Variants in DPF1 observed in about 807,000 individuals in gnomAD.
DPF1 encodes double PHD fingers 1.
DPF1 carries 14 observed loss-of-function variants against 58.7 expected under a neutral mutation model. The ratio of observed to expected loss-of-function variants is 0.24; its 90% CI spans 0.16 to 0.37. DPF1 has a LOEUF of 0.37. DPF1 is among the 10% of genes least tolerant of loss of function. The pLI, the probability that DPF1 is intolerant of heterozygous loss-of-function variation, is 1.00. For synonymous variants in DPF1, 216 were observed against 216.0 expected (o/e 1.00, Z 0.00); for missense variants, 345 against 529.9 (o/e 0.65, Z 3.43).
At position 38,212,310 on chromosome 19, in the gene DPF1, G is replaced by A. The variant is rs11547760; in HGVS notation, c.1063C>T (p.Leu355=). Residue 355 remains leucine (L), a synonymous_variant, in exon 11 of 12, where the codon CTG becomes TTG. Coordinates refer to ENST00000355526, the MANE Select transcript of DPF1 (RefSeq NM_001135155.3). ...GGGGGCTCCGCCATGGGGGGACTCA[G>A]GCAGTACATGTGGTAACCCCGATCG... ...DCDRGYHMYC[L]SPPMAEPPEG... 130,385 of 1,519,512 alleles carry A rather than the reference G, an allele frequency of 0.086. 6,243 individuals are homozygous for A. The highest frequency in any genetic ancestry group is 0.19 in the Middle Eastern group (1,048 of 5,536). 94.1% of individuals were successfully genotyped at this position (1,519,512 alleles called of 1,614,324 possible).
rs1035145469 is a variant in DPF1 at position 38,222,955 on chromosome 19, A to G, written c.30-247T>C. 1.2e-5 allele frequency: 6 copies of G among 511,206 alleles called. No homozygotes were observed. The highest frequency in any genetic ancestry group is 8.2e-5 in the African/African-American group (4 of 49,000). The allele number at this position is 511,206 out of a possible 1,614,324, so 31.7% of individuals were successfully genotyped here. A position where few individuals can be genotyped will look rare whatever the true frequency, so the allele number is the denominator to read the frequency against. ...GTAGAAACACGATACAGAAACAAAC[A>G]AAAACACACCGGGACGTATCCCTAC... On this transcript the variant is annotated intron_variant, in intron 1 of 11. Coordinates refer to ENST00000355526, the MANE Select transcript of DPF1 (RefSeq NM_001135155.3). The surrounding 1 kb of genome is among the most constrained non-coding windows in gnomAD (Gnocchi z 4.9).
intron 3 of DPF1, 23 bp from the exon 4 acceptor site, chr19:38,219,081 G>T (rs765271171): frequency 6.2e-7 from 1 of 1,612,376 alleles, no homozygotes; most frequent in Non-Finnish European, 8.5e-7. Flanking sequence ...CCATGGGGGG[G>T]TCAGATGGGG....
At chr19:38,216,716 G>A (rs1216864029) in intron 7 of DPF1, among the ~76,000 whole-genome samples, 1 of 152,180 alleles carries the variant, frequency 6.6e-6, no homozygotes, top group Admixed American at 6.5e-5. Flanking sequence ...ATAAGCGTGA[G>A]CCACTGCACC....
At chr19:38,219,884 A>T (rs1036156486) in intron 3 of DPF1, 1 of 152,248 alleles carries the variant, frequency 6.6e-6, no homozygotes, top group African/African-American at 2.4e-5. Context: ...AGAAATGCTC[A>T]GAGACAATTA....
upstream of DPF1, among the ~76,000 whole-genome samples, chr19:38,227,280 G>A (rs1471539641): frequency 2.0e-5 from 3 of 151,948 alleles, no homozygotes; most frequent in African/African-American, 7.3e-5. Flanking sequence ...GTGTCCCTGT[G>A]TTGGCCAGGC....
rs1967539979 is a variant in DPF1, at chr19:38,222,236, G to GCAGA, written c.298+117_298+120dup. On this transcript the variant is annotated intron_variant, in intron 3 of 11. Coordinates refer to ENST00000355526, the MANE Select transcript of DPF1 (RefSeq NM_001135155.3). The surrounding 1 kb of genome is among the most constrained non-coding windows in gnomAD (Gnocchi z 4.9). Reference sequence around the variant, plus strand: ...TGGGAAACACCCGGGACGCACATGGGCAGACAGACACACAGCCAGCCAGGC... The same window carrying GCAGA: ...TGGGAAACACCCGGGACGCACATGGGCAGACAGACAGACACACAGCCAGCCAGGC... The GCAGA allele has an allele frequency of 5.7e-6, 5 of 873,058 alleles. No homozygotes were observed. The highest frequency in any genetic ancestry group is 8.8e-6 in the Non-Finnish European group (5 of 566,812). The allele number at this position is 873,058 out of a possible 1,614,324, so 54.1% of individuals were successfully genotyped here. A position where few individuals can be genotyped will look rare whatever the true frequency, so the allele number is the denominator to read the frequency against.
At chr19:38,212,514 G>A (rs1173884944) in intron 10 of DPF1, 153 bp from the exon 11 acceptor site, 2 of 526,380 alleles carry the variant, frequency 3.8e-6, no homozygotes, top group African/African-American at 1.9e-5. Flanking sequence ...GGAAATGTGT[G>A]CGCAACACTG....
In DPF1 at chr19:38,224,040, C is replaced by A; in HGVS notation, c.29+74G>T. 2 of 1,436,500 alleles carry A rather than the reference C, an allele frequency of 1.4e-6. No homozygotes were observed. The highest frequency in any genetic ancestry group is 9.1e-7 in the Non-Finnish European group (1 of 1,102,150). The allele number at this position is 1,436,500 out of a possible 1,614,324, so 89.0% of individuals were successfully genotyped here. On this transcript the variant is annotated intron_variant, in intron 1 of 11. Transcript: ENST00000355526. This position sits in a 1 kb window ranked among gnomAD's most constrained non-coding sequence, Gnocchi z 4.5. ...CCCAGACACCCCTTCGGCCCCACCC[C>A]CGGTCGCCACACACACACAGGCCCG...
chr19:38,213,502 T>G, intron 10 of DPF1, 142 bp downstream of exon 10: 1 of 700,168 alleles, frequency 1.4e-6, no homozygotes, highest in South Asian at 1.8e-5. Flanking sequence ...CAGGTTCGAT[T>G]TATGGACACC....
rs111990919 is a variant in DPF1, at chr19:38,219,247, T to C, written c.299-189A>G. On this transcript the variant is annotated intron_variant, in intron 3 of 11. Coordinates refer to ENST00000355526, the MANE Select transcript of DPF1 (RefSeq NM_001135155.3). ...AGTCACGCCCTCAGATGCCCTGGGATGCACAGCAGGAGACACGGTCAGAAC... is the reference window on the plus strand; with the variant it reads ...AGTCACGCCCTCAGATGCCCTGGGACGCACAGCAGGAGACACGGTCAGAAC... 2,620 of 745,384 alleles carry C rather than the reference T, an allele frequency of 3.5e-3. 46 individuals carry two copies. The African/African-American group carries it at 0.042, about 12-fold the overall frequency. 46.2% of individuals were successfully genotyped at this position (745,384 alleles called of 1,614,324 possible).
chr19:38,214,865 T>C (rs1332790291), intron 9 of DPF1, among the ~76,000 whole-genome samples: 1 of 145,230 alleles, frequency 6.9e-6, no homozygotes, highest in East Asian at 2.0e-4. Context: ...AGACGGAGTC[T>C]TGCTCTGATA....
At chr19:38,219,352 C>T (rs920342309) in intron 3 of DPF1, 6 of 415,210 alleles carry the variant, frequency 1.4e-5, no homozygotes, top group South Asian at 3.1e-5. Flanking sequence ...GAAGACACAG[C>T]GACTCTCAAA....
At chr19:38,218,867 G>T in intron 4 of DPF1, 64 bp downstream of exon 4, 1 of 1,600,754 alleles carries the variant, frequency 6.2e-7, no homozygotes, top group Non-Finnish European at 8.5e-7. Context: ...GTGAGGGCCC[G>T]GGCTGGTGGC....
Position 38,218,947 on chromosome 19 carries a change from G to T in DPF1, c.410C>A (p.Thr137Asn). 5.0e-6 allele frequency: 8 copies of T among 1,614,118 alleles called. No individual in the cohort carries two copies. Among genetic ancestry groups the T allele is most frequent in the Non-Finnish European group, 6.8e-6 (8 of 1,180,008 alleles). Residue 137 changes from threonine to asparagine, a missense_variant, in exon 4 of 12, where the codon ACC becomes AAC. Physicochemically the swap from Thr to Asn is moderately conservative, Grantham distance 65 (BLOSUM62 0). Transcript: ENST00000355526. ...EKKIELKEEE[T>N]IMDCQKQQLL... The stretch of plus-strand genomic sequence containing the variant: ...TGGGCCCACCTGACAGTCCATAATG[G>T]TCTCCTCCTCCTTCAGCTCAATCTT...
At chr19:38,221,910 C>T (rs1419082519) in intron 3 of DPF1, among the ~76,000 whole-genome samples, 9 of 152,072 alleles carry the variant, frequency 5.9e-5, no homozygotes, top group Admixed American at 5.2e-4. Flanking sequence ...GGTGAAACCC[C>T]GTTTCTACTA....
chr19:38,224,396 C>T (rs942608384), upstream of DPF1: 3 of 829,194 alleles, frequency 3.6e-6, no homozygotes, highest in Non-Finnish European at 3.3e-6. This position sits in a 1 kb window ranked among gnomAD's most constrained non-coding sequence, Gnocchi z 4.5. Context: ...ACTCACCCGC[C>T]CTCACTCGTC....
chr19:38,227,001 C>T (rs375168973), upstream of DPF1, among the ~76,000 whole-genome samples: 70,970 of 131,492 alleles, frequency 0.54, 19,488 homozygotes, highest in African/African-American at 0.66. Context: ...TCTCTTCCTT[C>T]CTTCCTTCCT....
At chr19:38,216,302 C>A in intron 8 of DPF1, 43 bp from the exon 9 acceptor site, 1 of 1,611,012 alleles carries the variant, frequency 6.2e-7, no homozygotes, top group Non-Finnish European at 8.5e-7. Context: ...CAGGCAAGGG[C>A]ACCCCGCAAA....
chr19:38,226,307 C>G (rs1274248774), upstream of DPF1, among the ~76,000 whole-genome samples: 5 of 148,610 alleles, frequency 3.4e-5, no homozygotes, highest in Non-Finnish European at 7.4e-5. Flanking sequence ...TCCCCTTCCC[C>G]TCTTCCACCC....
Sources: gnomAD v4.1 joint callset for allele counts (sites outside exome capture counted in the v4.1 genomes callset) on GRCh38, gnomAD v4.1.1 for gene constraint, Gnocchi (gnomAD v3.1) non-coding constraint, MANE v1.5 for transcripts, NCBI Gene and HGNC (gene_info 2026-07-23, HGNC 2026-07-21) for gene names.